The following LRRN2 variants were observed in gnomAD, a reference collection of about 807,000 sequenced individuals.
LRRN2 encodes leucine-rich repeat neuronal protein 2.
In LRRN2, 10 loss-of-function variants were observed where a neutral mutation model predicts 35.7. The ratio of observed to expected loss-of-function variants is 0.28; its 90% CI spans 0.17 to 0.47. LRRN2 has a LOEUF of 0.47. LRRN2 is among the 20% of genes least tolerant of loss of function. The probability of loss-of-function intolerance (pLI) is 0.99; values close to 1 mark genes in which losing one functional copy is unlikely to be tolerated. For synonymous variants in LRRN2, 391 were observed against 409.6 expected, an observed-to-expected ratio of 0.95 and a Z score of 0.55; for missense variants, 731 against 940.3, an observed-to-expected ratio of 0.78 and a Z score of 2.91.
intron 1 of LRRN2, among the ~76,000 whole-genome samples, chr1:204,671,462 T>C (rs1365504671): frequency 1.3e-5 from 2 of 148,848 alleles, no homozygotes; most frequent in Non-Finnish European, 3.0e-5. Context: ...GATTCCTGAA[T>C]GCAGGTAGAA....
intron 1 of LRRN2, among the ~76,000 whole-genome samples, chr1:204,639,093 A>C (rs1667918457): frequency 6.6e-6 from 1 of 152,240 alleles, no homozygotes; most frequent in Admixed American, 6.5e-5. Flanking sequence ...CTCCTGGGCC[A>C]TAAGGGCTCT....
intron 1 of LRRN2, among the ~76,000 whole-genome samples, chr1:204,626,159 A>G (rs1482536462): frequency 2.6e-5 from 4 of 151,864 alleles, no homozygotes; most frequent in African/African-American, 7.3e-5. Flanking sequence ...TGCTTGTCCT[A>G]AATGCAACAT....
chr1:204,636,657 C>T (rs2102597914), intron 1 of LRRN2, among the ~76,000 whole-genome samples: 1 of 152,212 alleles, frequency 6.6e-6, no homozygotes, highest in Non-Finnish European at 1.5e-5. Context: ...CCTAGCTACT[C>T]AGGAGGCTGA....
At chr1:204,677,261 CA>C (rs1229035546) in intron 1 of LRRN2, among the ~76,000 whole-genome samples, 3 of 152,160 alleles carry the variant, frequency 2.0e-5, no homozygotes, top group African/African-American at 7.2e-5. Flanking sequence ...CTGCGTCTTC[CA>C]GGGGGTTGTG....
intron 1 of LRRN2, among the ~76,000 whole-genome samples, chr1:204,645,347 A>G (rs11801229): frequency 0.2 from 30,667 of 152,108 alleles, 3,633 homozygotes; most frequent in East Asian, 0.44. Flanking sequence ...GGAACAGGGA[A>G]AGGCTCATGC....
chr1:204,681,676 G>A (rs568679759), intron 1 of LRRN2, among the ~76,000 whole-genome samples: 10 of 152,316 alleles, frequency 6.6e-5, no homozygotes, highest in African/African-American at 2.2e-4. Context: ...ACTTAGAAAA[G>A]ATGGGTTGAC....
At chr1:204,674,037 G>A (rs944535553) in intron 1 of LRRN2, among the ~76,000 whole-genome samples, 19 of 152,228 alleles carry the variant, frequency 1.2e-4, no homozygotes, top group South Asian at 4.1e-4. Flanking sequence ...GTTTGAATGC[G>A]GCTGTCAGCC....
intron 1 of LRRN2, among the ~76,000 whole-genome samples, chr1:204,626,582 C>A (rs531443049): frequency 6.6e-6 from 1 of 152,146 alleles, no homozygotes; most frequent in Non-Finnish European, 1.5e-5. Context: ...CAGCTGCCCC[C>A]GAGACTCTCT....
intron 1 of LRRN2, among the ~76,000 whole-genome samples, chr1:204,631,247 T>A (rs1667683840): frequency 1.5e-5 from 1 of 64,560 alleles, no homozygotes; most frequent in Non-Finnish European, 3.3e-5. Context: ...GAGTGATACC[T>A]AGAGTGTTCT....
chr1:204,638,072 G>A (rs1422672091), intron 1 of LRRN2, among the ~76,000 whole-genome samples: 1 of 152,140 alleles, frequency 6.6e-6, no homozygotes, highest in African/African-American at 2.4e-5. Context: ...GAGCGTAGGG[G>A]GACCCCAACA....
At position 204,681,396 on chromosome 1, in the gene LRRN2, G is replaced by C. The variant is rs186728053; in HGVS notation, c.-227+3924C>G. ...ATATATATACCAGATACTGTTCTAA[G>C]CTCATTACATGTATCACCTCATGTA... On this transcript the variant is annotated intron_variant, in intron 1 of 1. Transcript: ENST00000367177. Among the ~76,000 whole-genome samples the C allele has an allele frequency of 2.0e-5, 3 of 152,234 alleles. No individual in the cohort carries two copies. The East Asian group carries it at 5.8e-4, about 29-fold the overall frequency.
chr1:204,674,672 G>A (rs1310855618), intron 1 of LRRN2, among the ~76,000 whole-genome samples: 2 of 152,226 alleles, frequency 1.3e-5, no homozygotes, highest in South Asian at 2.1e-4. Context: ...CTGGGCCAGT[G>A]GGCTGGGTCC....
intron 1 of LRRN2, among the ~76,000 whole-genome samples, chr1:204,638,007 T>C (rs1482660654): frequency 2.0e-5 from 3 of 152,112 alleles, no homozygotes; most frequent in African/African-American, 7.2e-5. Flanking sequence ...AGGGTTTTCT[T>C]TTCCTTTCCT....
Position 204,618,441 on chromosome 1 carries a change from G to C in LRRN2, c.1552C>G (p.Leu518Val), listed in dbSNP as rs3747631. ...KTVSVVVGRA[L>V]LQPGRDEGQG... ...CCTTCGTCCCTGCCTGGCTGGAGGAGAGCACGGCCCACAACCACACTAACC... is the reference window on the plus strand; with the variant it reads ...CCTTCGTCCCTGCCTGGCTGGAGGACAGCACGGCCCACAACCACACTAACC... Residue 518 changes from leucine to valine, a missense_variant, in exon 2 of 2, where the codon CTC becomes GTC. This residue lies in a region of LRRN2 where 229 missense variants were observed against 258.4 expected (regional missense o/e 0.89). Transcript: ENST00000367177. The C allele has an allele frequency of 0.21, 332,301 of 1,614,050 alleles. 36,126 individuals carry two copies. The highest frequency in any genetic ancestry group is 0.35 in the East Asian group (15,569 of 44,854).
intron 1 of LRRN2, among the ~76,000 whole-genome samples, chr1:204,654,507 A>G (rs559940449): frequency 6.6e-6 from 1 of 152,342 alleles, no homozygotes; most frequent in South Asian, 2.1e-4. Flanking sequence ...GAAGTTGTAC[A>G]AAGTTCTTTC....
chr1:204,641,294 C>CTTTGT (rs1553347588), intron 1 of LRRN2, among the ~76,000 whole-genome samples: 1 of 152,156 alleles, frequency 6.6e-6, no homozygotes, highest in Non-Finnish European at 1.5e-5. Context: ...TTTTAAAAAT[C>CTTTGT]TTTGTCTTCT....
chr1:204,623,448 C>T (rs974370347), intron 1 of LRRN2, among the ~76,000 whole-genome samples: 4 of 152,194 alleles, frequency 2.6e-5, no homozygotes, highest in Non-Finnish European at 4.4e-5. Flanking sequence ...GGCTGGGCCT[C>T]GGGATCCAGA....
At chr1:204,672,664 C>G (rs966167056) in intron 1 of LRRN2, among the ~76,000 whole-genome samples, 1 of 152,148 alleles carries the variant, frequency 6.6e-6, no homozygotes, top group African/African-American at 2.4e-5. Context: ...GAGATAGAAG[C>G]CAAGTTTCCT....
At chr1:204,678,329 G>C (rs1418719895) in intron 1 of LRRN2, among the ~76,000 whole-genome samples, 2 of 152,162 alleles carry the variant, frequency 1.3e-5, no homozygotes, top group Non-Finnish European at 2.9e-5. Flanking sequence ...AGTGCTCAGA[G>C]CATCCTTGGT....
Sources: allele counts gnomAD v4.1 joint callset (sites outside exome capture counted in the v4.1 genomes callset), GRCh38; gene constraint gnomAD v4.1.1; regional missense constraint gnomAD v4.1.1; transcripts MANE v1.5; gene names NCBI Gene and HGNC (gene_info 2026-07-23, HGNC 2026-07-21).